Variants in ADH5 observed in about 807,000 individuals in gnomAD.
The protein encoded by ADH5 is alcohol dehydrogenase class-3.
Under a neutral mutation model 40.3 loss-of-function variants are expected in ADH5, and 32 were observed. The ratio of observed to expected loss-of-function variants is 0.79; its 90% CI spans 0.60 to 1.07. The LOEUF is 1.07. Among genes scored for constraint, ADH5 ranks in the 50% least tolerant of loss-of-function variants. The pLI, the probability that ADH5 is intolerant of heterozygous loss-of-function variation, is 0.00. For synonymous variants in ADH5, 125 were observed against 154.3 expected (o/e 0.81, Z 1.41); for missense variants, 353 against 460.5 (o/e 0.77, Z 2.14).
At position 99,071,294 on chromosome 4, in the gene ADH5, A is replaced by G. The variant is rs1177880631; in HGVS notation, c.*1123T>C. 2 of 152,260 alleles carry G rather than the reference A, an allele frequency of 1.3e-5. No homozygotes were observed. The highest frequency in any genetic ancestry group is 2.9e-5 in the Non-Finnish European group (2 of 68,052). 9.4% of individuals were successfully genotyped at this position (152,260 alleles called of 1,614,324 possible). A position where few individuals can be genotyped will look rare whatever the true frequency, so the allele number is the denominator to read the frequency against. ...ACAAAAACTCACATTTACTTTGAAGAGCAATTTGGCAATGTCTATAAGGCT... is the reference window on the plus strand; with the variant it reads ...ACAAAAACTCACATTTACTTTGAAGGGCAATTTGGCAATGTCTATAAGGCT... On this transcript the variant is annotated 3_prime_UTR_variant, in exon 9 of 9. Transcript: ENST00000296412.
At chr4:99,082,837 T>C (rs1728052762) in intron 2 of ADH5, among the ~76,000 whole-genome samples, 3 of 152,228 alleles carry the variant, frequency 2.0e-5, no homozygotes, top group Admixed American at 1.3e-4. Context: ...CCACCAGGCC[T>C]GGCTAATTTT....
At chr4:99,072,520 C>T (rs180808768) in intron 8 of ADH5, 53 bp downstream of exon 8, 420 of 1,608,668 alleles carry the variant, frequency 2.6e-4, no homozygotes, top group Non-Finnish European at 3.4e-4. Context: ...CTCTCCATCC[C>T]CTCAAACTCA....
chr4:99,074,310 C>A (rs1022115561), intron 7 of ADH5, among the ~76,000 whole-genome samples: 1 of 152,120 alleles, frequency 6.6e-6, no homozygotes, highest in African/African-American at 2.4e-5. Context: ...TCTGGCTGAG[C>A]AACCATGGAA....
At chr4:99,081,535 G>A in intron 3 of ADH5, 83 bp from the exon 4 acceptor site, 3 of 1,011,198 alleles carry the variant, frequency 3.0e-6, no homozygotes, top group East Asian at 2.6e-5. Flanking sequence ...TCCTGTCAAC[G>A]GATGTGGCTT....
rs1342232301 is a variant in ADH5, at chr4:99,085,236, G to A, written c.13-20C>T. 7.2e-7 allele frequency: 1 copy of A among 1,382,302 alleles called. No individual in the cohort carries two copies. The highest frequency in any genetic ancestry group is 2.6e-5 in the East Asian group (1 of 38,196). 85.6% of individuals were successfully genotyped at this position (1,382,302 alleles called of 1,614,324 possible). A position where few individuals can be genotyped will look rare whatever the true frequency, so the allele number is the denominator to read the frequency against. On this transcript the variant is annotated intron_variant, in intron 1 of 8. Coordinates refer to ENST00000296412, the MANE Select transcript of ADH5 (RefSeq NM_000671.4). ...GATAACCTGAAGTGGGGAAAAAAGG[G>A]AATAAGCTGTTTATCCTCCTAAACA...
chr4:99,085,302 A>C (rs546054850), intron 1 of ADH5, 86 bp from the exon 2 acceptor site: 2 of 522,548 alleles, frequency 3.8e-6, no homozygotes, highest in Non-Finnish European at 6.5e-6. Flanking sequence ...GATTAATGCT[A>C]ATCTTAAAAA....
chr4:99,083,573 C>G (rs1728069808), intron 2 of ADH5, among the ~76,000 whole-genome samples: 1 of 142,130 alleles, frequency 7.0e-6, no homozygotes, highest in African/African-American at 2.7e-5. Context: ...GCACTCCAGC[C>G]TGGGCGACAG....
chr4:99,085,162 C>T lies in ADH5; in HGVS notation c.67G>A (p.Glu23Lys). Residue 23 changes from glutamate to lysine, a missense_variant, in exon 2 of 9, where the codon GAG becomes AAG. Physicochemically the swap from Glu to Lys is moderately conservative, Grantham distance 56. Transcript: ENST00000296412. ...AWEAGKPLSI[E>K]EIEVAPPKAH... is the part of the protein sequence containing the mutation. ...TTTGGGGGTGCCACCTCTATCTCCT[C>T]TATGGAGAGAGGCTTTCCAGCCTCC... The T allele has an allele frequency of 2.6e-6, 4 of 1,555,256 alleles. No individual in the cohort carries two copies. The highest frequency in any genetic ancestry group is 3.5e-6 in the Non-Finnish European group (4 of 1,149,904).
intron 2 of ADH5, 42 bp from the exon 3 acceptor site, chr4:99,082,158 A>G (rs771767652): frequency 1.3e-6 from 2 of 1,596,870 alleles, no homozygotes; most frequent in South Asian, 1.1e-5. Flanking sequence ...GTATGTGTGC[A>G]TGCAATTCAG....
chr4:99,084,509 T>G (rs1259612790), intron 2 of ADH5, among the ~76,000 whole-genome samples: 1 of 152,238 alleles, frequency 6.6e-6, no homozygotes, highest in African/African-American at 2.4e-5. Flanking sequence ...TTCTGGGAAT[T>G]GCCCACCCCT....
In ADH5 at chr4:99,083,510, G is replaced by C. The variant is rs28730586; in HGVS notation, c.115-1394C>G. On this transcript the variant is annotated intron_variant, in intron 2 of 8. Transcript: ENST00000296412. ...AGCTACTAGGGAGGCCGAAGCAGGA[G>C]AATTGCTTGAACCTGGGAGGCAGGG... Among the ~76,000 whole-genome samples the C allele has an allele frequency of 8.0e-3, 1,126 of 140,356 alleles. 18 individuals are homozygous for C. Among genetic ancestry groups the C allele is most frequent in the Non-Finnish European group, 9.4e-3 (620 of 65,884 alleles). The allele number at this position is 140,356 out of a possible 152,430, so 92.1% of individuals were successfully genotyped here.
chr4:99,081,487 G>T (rs777950313), intron 3 of ADH5, 35 bp from the exon 4 acceptor site: 2 of 1,407,296 alleles, frequency 1.4e-6, no homozygotes, highest in African/African-American at 1.4e-5. Context: ...TGAATAGGTA[G>T]TATCTATTTC....
chr4:99,077,254 G>C (rs1727947222), intron 4 of ADH5, among the ~76,000 whole-genome samples: 1 of 152,096 alleles, frequency 6.6e-6, no homozygotes, highest in Admixed American at 6.5e-5. Flanking sequence ...CAGGTGCAGT[G>C]GCTCACTCCT....
At chr4:99,083,042 G>A (rs750684685) in intron 2 of ADH5, among the ~76,000 whole-genome samples, 6 of 152,122 alleles carry the variant, frequency 3.9e-5, no homozygotes, top group Non-Finnish European at 7.3e-5. Flanking sequence ...CTATTTATGC[G>A]TCTCTGCTCC....
At chr4:99,081,255 G>A (rs1231073226) in intron 4 of ADH5, 110 bp downstream of exon 4, 12 of 773,060 alleles carry the variant, frequency 1.6e-5, no homozygotes, top group Non-Finnish European at 1.7e-5. Context: ...ATCCGACTGG[G>A]TTAATGAACC....
chr4:99,081,264 C>T, intron 4 of ADH5, 101 bp downstream of exon 4: 2 of 649,580 alleles, frequency 3.1e-6, no homozygotes, highest in South Asian at 3.2e-5. Flanking sequence ...GGTTAATGAA[C>T]CTAAATTATT....
At position 99,076,285 on chromosome 4, in the gene ADH5, T is replaced by G. The variant is rs777571917; in HGVS notation, c.825+7A>C. ...ATAAACTAAAAAGGAATGAAGCCCA[T>G]ACTCACCATGACCTTCACATTACCA... is the stretch of plus-strand genomic sequence containing the variant. On this transcript the variant is annotated splice_region_variant and intron_variant, in intron 6 of 8. Transcript: ENST00000296412. 2 of 1,613,894 alleles carry G rather than the reference T, an allele frequency of 1.2e-6. No individual in the cohort carries two copies. Among genetic ancestry groups the G allele is most frequent in the Non-Finnish European group, 1.7e-6 (2 of 1,179,800 alleles).
At chr4:99,079,925 C>G in intron 4 of ADH5, 1 of 443,278 alleles carries the variant, frequency 2.3e-6, no homozygotes, top group South Asian at 1.6e-5. Flanking sequence ...AGAATGGGTA[C>G]AGAAAATTCT....
rs1172952964 is a variant in ADH5, at chr4:99,072,316, G to C, written c.*101C>G. ...CATAACCCTATTTTCTGGAGTAGCT[G>C]TGAAGCTCTACGAGGCTGTGAGGTT... On this transcript the variant is annotated 3_prime_UTR_variant, in exon 9 of 9. Coordinates refer to ENST00000296412, the MANE Select transcript of ADH5 (RefSeq NM_000671.4). The C allele has an allele frequency of 1.9e-6, 2 of 1,052,916 alleles. No individual in the cohort carries two copies. Among genetic ancestry groups the C allele is most frequent in the African/African-American group, 3.2e-5 (2 of 62,842 alleles). 65.2% of individuals were successfully genotyped at this position (1,052,916 alleles called of 1,614,324 possible). A position where few individuals can be genotyped will look rare whatever the true frequency, so the allele number is the denominator to read the frequency against.
Sources: allele counts gnomAD v4.1 joint callset (sites outside exome capture counted in the v4.1 genomes callset), GRCh38; gene constraint gnomAD v4.1.1; transcripts MANE v1.5; gene names NCBI Gene and HGNC (gene_info 2026-07-23, HGNC 2026-07-21).